RNF38: variants seen among roughly 807,000 people sequenced by gnomAD.
RNF38 encodes E3 ubiquitin-protein ligase RNF38.
A neutral mutation model predicts 67.2 loss-of-function variants in RNF38; 15 were observed. The observed-to-expected ratio is 0.22, with a 90% CI of 0.15 to 0.34. RNF38 has a LOEUF of 0.34. RNF38 is among the 10% of genes least tolerant of loss of function. RNF38 has a pLI of 1.00. For synonymous variants in RNF38, 220 were observed against 218.8 expected (o/e 1.01, Z -0.05); for missense variants, 524 against 639.9 (o/e 0.82, Z 1.95).
chr9:36,420,781 G>C (rs1838604041), intron 2 of RNF38, among the ~76,000 whole-genome samples: 1 of 152,032 alleles, frequency 6.6e-6, no homozygotes, highest in Non-Finnish European at 1.5e-5. Context: ...AGAAATTATG[G>C]AATATGGCCC....
At chr9:36,372,617 C>T (rs1305074886) in intron 3 of RNF38, 1 of 690,240 alleles carries the variant, frequency 1.4e-6, no homozygotes, top group East Asian at 2.7e-5. Flanking sequence ...TAAACAAGAA[C>T]AGAATACAGA....
intron 11 of RNF38, among the ~76,000 whole-genome samples, chr9:36,341,030 C>A (rs1302222641): frequency 6.6e-6 from 1 of 152,112 alleles, no homozygotes; most frequent in African/African-American, 2.4e-5. Context: ...GAAATTACCT[C>A]TTTTATTAGA....
intron 2 of RNF38, among the ~76,000 whole-genome samples, chr9:36,384,159 C>G (rs1434864304): frequency 6.6e-6 from 1 of 152,098 alleles, no homozygotes; most frequent in Non-Finnish European, 1.5e-5. Context: ...TACCAGAATA[C>G]TAGATTCTAC....
chr9:36,347,119 TCGGGGGGGGGGGGGGGG>T (rs1833299624), intron 9 of RNF38, among the ~76,000 whole-genome samples: 2 of 1,572 alleles, frequency 1.3e-3, no homozygotes, highest in Non-Finnish European at 2.3e-3. Context: ...AGACTCCATC[TCGGGGGGGGGGGGGGGG>T]GGGGGGGGGG....
chr9:36,466,807 C>A (rs548089670), intron 1 of RNF38, among the ~76,000 whole-genome samples: 1 of 152,110 alleles, frequency 6.6e-6, no homozygotes, highest in African/African-American at 2.4e-5. Context: ...ATATACATTT[C>A]TATAACATTT....
intron 1 of RNF38, among the ~76,000 whole-genome samples, chr9:36,454,923 T>C (rs1839550280): frequency 6.6e-6 from 1 of 152,194 alleles, no homozygotes; most frequent in African/African-American, 2.4e-5. Context: ...AGGTTATATA[T>C]TTATGCTAGT....
chr9:36,347,563 C>G (rs1833361561), intron 9 of RNF38, among the ~76,000 whole-genome samples: 1 of 152,068 alleles, frequency 6.6e-6, no homozygotes, highest in Non-Finnish European at 1.5e-5. Context: ...TTTGTGGTAC[C>G]ACAAACTGTA....
At chr9:36,421,777 T>A (rs766964459) in intron 2 of RNF38, among the ~76,000 whole-genome samples, 2 of 151,538 alleles carry the variant, frequency 1.3e-5, no homozygotes, top group African/African-American at 4.9e-5. Flanking sequence ...GGAGAGAGAG[T>A]GAGTGTGCAG....
chr9:36,389,872 C>T lies in RNF38; in HGVS notation c.162+595G>A, dbSNP rs186874500. ...TGACTTCCACTACTAAAACATGCTT[C>T]TCTAGGAATATGGATTGAAAGTTTG... On this transcript the variant is annotated intron_variant, in intron 2 of 11. Coordinates refer to ENST00000259605, the MANE Select transcript of RNF38 (RefSeq NM_022781.5). Among the ~76,000 whole-genome samples the T allele has an allele frequency of 5.4e-3, 822 of 152,284 alleles. 6 individuals are homozygous for T. Among genetic ancestry groups the T allele is most frequent in the Middle Eastern group, 0.034 (10 of 294 alleles).
intron 3 of RNF38, among the ~76,000 whole-genome samples, chr9:36,371,420 G>T (rs997107693): frequency 1.3e-5 from 2 of 148,276 alleles, no homozygotes; most frequent in African/African-American, 5.0e-5. Context: ...AATTCAAGAC[G>T]CCCTCCACCT....
At chr9:36,396,686 T>C (rs1241295235) in intron 1 of RNF38, among the ~76,000 whole-genome samples, 1 of 151,960 alleles carries the variant, frequency 6.6e-6, no homozygotes, top group Non-Finnish European at 1.5e-5. Context: ...GGCACAGGGA[T>C]CTTTGGGGGA....
intron 1 of RNF38, among the ~76,000 whole-genome samples, chr9:36,479,571 C>T (rs930612414): frequency 6.6e-6 from 1 of 152,152 alleles, no homozygotes; most frequent in Admixed American, 6.6e-5. Context: ...CAAGCAATAA[C>T]TGTCTTGAAT....
At chr9:36,486,418 T>C (rs1840412618) in intron 1 of RNF38, among the ~76,000 whole-genome samples, 1 of 152,024 alleles carries the variant, frequency 6.6e-6, no homozygotes, top group Non-Finnish European at 1.5e-5. Flanking sequence ...GTGTGGTAGG[T>C]CCAAACCACC....
intron 3 of RNF38, chr9:36,372,409 T>C (rs1050241104): frequency 8.3e-6 from 5 of 599,848 alleles, no homozygotes; most frequent in Non-Finnish European, 1.2e-5. Flanking sequence ...GCCCTGTTTA[T>C]TCACAGTTCT....
intron 3 of RNF38, among the ~76,000 whole-genome samples, chr9:36,373,944 G>A (rs1835588186): frequency 6.6e-6 from 1 of 152,122 alleles, no homozygotes; most frequent in Admixed American, 6.6e-5. Flanking sequence ...ATCCACCTCG[G>A]CCTCCCAAAG....
intron 3 of RNF38, among the ~76,000 whole-genome samples, chr9:36,370,816 G>A (rs1488698466): frequency 6.6e-6 from 1 of 151,864 alleles, no homozygotes; most frequent in Non-Finnish European, 1.5e-5. Context: ...GCTGAAGTGG[G>A]AGAATCACCT....
intron 1 of RNF38, among the ~76,000 whole-genome samples, chr9:36,460,534 C>G (rs1313919575): frequency 6.6e-6 from 1 of 151,906 alleles, no homozygotes; most frequent in Non-Finnish European, 1.5e-5. Context: ...TTTCCTAGTC[C>G]CAGAACACTT....
At chr9:36,383,033 G>T (rs1286413856) in intron 2 of RNF38, among the ~76,000 whole-genome samples, 1 of 152,104 alleles carries the variant, frequency 6.6e-6, no homozygotes, top group East Asian at 1.9e-4. Context: ...AATAAGACAA[G>T]ATCCTTTTTT....
intron 2 of RNF38, among the ~76,000 whole-genome samples, chr9:36,416,197 AG>A (rs1189939343): frequency 3.9e-3 from 19 of 4,896 alleles, no homozygotes; most frequent in Non-Finnish European, 6.9e-3. Flanking sequence ...AGGGAGGGGG[AG>A]GGGGTGGGAG....
Sources: gnomAD v4.1 joint callset for allele counts (sites outside exome capture counted in the v4.1 genomes callset) on GRCh38, gnomAD v4.1.1 for gene constraint, MANE v1.5 for transcripts, NCBI Gene and HGNC (gene_info 2026-07-23, HGNC 2026-07-21) for gene names.